ARID4A: variants seen among roughly 807,000 people sequenced by gnomAD.
The protein encoded by ARID4A is AT-rich interaction domain 4A.
Under a neutral mutation model 148.6 loss-of-function variants are expected in ARID4A, and 39 were observed. The ratio of observed to expected loss-of-function variants is 0.26; its 90% CI spans 0.20 to 0.34. The LOEUF is 0.34. Ranked by LOEUF, ARID4A falls within the 10% of genes least tolerant of loss-of-function variation. The pLI, the probability that ARID4A is intolerant of heterozygous loss-of-function variation, is 1.00. For synonymous variants in ARID4A, 475 were observed against 481.2 expected, an observed-to-expected ratio of 0.99 and a Z score of 0.17; for missense variants, 1,265 against 1,449.1, an observed-to-expected ratio of 0.87 and a Z score of 2.06.
intron 20 of ARID4A, 48 bp from the exon 21 acceptor site, chr14:58,365,467 CTTT>C (rs71107938): frequency 0.038 from 13,130 of 349,212 alleles, 13 homozygotes; most frequent in East Asian, 0.11. Flanking sequence ...TATACTTGCT[CTTT>C]TTTTTTTTTT....
intron 11 of ARID4A, among the ~76,000 whole-genome samples, chr14:58,338,635 G>A (rs1455559277): frequency 1.3e-5 from 2 of 152,120 alleles, no homozygotes; most frequent in African/African-American, 2.4e-5. Flanking sequence ...TGGAGTTTCA[G>A]AGTTGGGGTG....
In ARID4A at chr14:58,364,414, A is replaced by G; in HGVS notation, c.2325A>G (p.Lys775=). ...NEQIVQIFGN[K]MEKTEEVKKE... is the part of the protein sequence containing the mutation. Reference sequence around the variant, plus strand: ...AAATAGTACAGATTTTTGGGAACAAAATGGAAAAAACAGAAGAAGTTAAGA... The same window carrying G: ...AAATAGTACAGATTTTTGGGAACAAGATGGAAAAAACAGAAGAAGTTAAGA... Residue 775 remains lysine, a synonymous_variant, in exon 20 of 24, where the codon AAA becomes AAG. Coordinates refer to ENST00000355431, the MANE Select transcript of ARID4A (RefSeq NM_002892.4). 1 of 1,612,332 alleles carries G rather than the reference A, an allele frequency of 6.2e-7. No individual in the cohort carries two copies. Among genetic ancestry groups the G allele is most frequent in the Non-Finnish European group, 8.5e-7 (1 of 1,179,688 alleles).
At position 58,344,709 on chromosome 14, in the gene ARID4A, T is replaced by A; in HGVS notation, c.921T>A (p.Leu307=). Residue 307 remains leucine (L), a synonymous_variant, in exon 12 of 24, where the codon CTT becomes CTA. Coordinates refer to ENST00000355431, the MANE Select transcript of ARID4A (RefSeq NM_002892.4). ...KTEEEVPEEE[L]DPEERDNFLQ... is the part of the protein sequence containing the mutation. ...TATCTTTACAGCCTGAGGAAGAACT[T>A]GATCCTGAAGAGAGGGACAACTTCC... The A allele has an allele frequency of 1.9e-6, 3 of 1,612,240 alleles. No homozygotes were observed. The highest frequency in any genetic ancestry group is 2.5e-6 in the Non-Finnish European group (3 of 1,178,720).
Position 58,330,185 on chromosome 14 carries a change from T to C in ARID4A, c.906+16T>C. ...AGAAGAGGTGGTAGGTGTAATTTCA[T>C]GTTTGTAACAAAAACATCTTAATAC... is the stretch of plus-strand genomic sequence containing the variant. On this transcript the variant is annotated intron_variant, in intron 11 of 23. Transcript: ENST00000355431. 6.2e-7 allele frequency: 1 copy of C among 1,602,350 alleles called. No homozygotes were observed. The highest frequency in any genetic ancestry group is 1.1e-5 in the South Asian group (1 of 88,786).
At chr14:58,309,382 A>G (rs2031849113) in intron 5 of ARID4A, among the ~76,000 whole-genome samples, 1 of 152,126 alleles carries the variant, frequency 6.6e-6, no homozygotes, top group South Asian at 2.1e-4. Context: ...CATTCCTACC[A>G]TAGTTTACTC....
Position 58,314,854 on chromosome 14 carries a change from C to A in ARID4A, c.275-3688C>A, listed in dbSNP as rs142886557. On this transcript the variant is annotated intron_variant, in intron 5 of 23. Transcript: ENST00000355431. ...AAATCTTAGTCTGGGTTCAGTGGCT[C>A]ACACCTGTAATCCCAGCACTTTGGA... Among the ~76,000 whole-genome samples, 1,457 of 152,292 alleles carry A rather than the reference C, an allele frequency of 9.6e-3. 23 individuals carry two copies. The highest frequency in any genetic ancestry group is 0.034 in the African/African-American group (1,411 of 41,556).
chr14:58,349,983 C>T (rs1229946988), intron 15 of ARID4A, among the ~76,000 whole-genome samples: 1 of 151,436 alleles, frequency 6.6e-6, no homozygotes, highest in Non-Finnish European at 1.5e-5. Context: ...GTGGTGCGCG[C>T]CTGTAGTCCC....
chr14:58,318,600 G>A lies in ARID4A; in HGVS notation c.333G>A (p.Glu111=), dbSNP rs1047607219. ...LRRTSLCLKG[E]RHFAESETLD... Reference sequence around the variant, plus strand: ...GTACCTCACTTTGTCTGAAAGGAGAGAGACATTTTGCAGAGAGTGAGGTAG... The same window carrying A: ...GTACCTCACTTTGTCTGAAAGGAGAAAGACATTTTGCAGAGAGTGAGGTAG... The change falls in exon 6 of 24, where the codon GAG becomes GAA. Residue 111 remains glutamate (E), a synonymous_variant. Coordinates refer to ENST00000355431, the MANE Select transcript of ARID4A (RefSeq NM_002892.4). 12 of 1,614,210 alleles carry A rather than the reference G, an allele frequency of 7.4e-6. No individual in the cohort carries two copies. Among genetic ancestry groups the A allele is most frequent in the African/African-American group, 2.7e-5 (2 of 75,078 alleles).
chr14:58,351,429 T>A (rs998234577), intron 16 of ARID4A, 106 bp downstream of exon 16: 2 of 1,414,504 alleles, frequency 1.4e-6, no homozygotes, highest in African/African-American at 1.4e-5. Flanking sequence ...TTATTGGGAC[T>A]TCCGTTCCTC....
At chr14:58,347,563 C>A in intron 14 of ARID4A, 84 bp from the exon 15 acceptor site, 1 of 1,130,646 alleles carries the variant, frequency 8.8e-7, no homozygotes, top group Non-Finnish European at 1.2e-6. Flanking sequence ...CTGGGCTTTA[C>A]TTTTTAAAAA....
chr14:58,342,034 C>T (rs573438153), intron 11 of ARID4A, among the ~76,000 whole-genome samples: 42 of 152,218 alleles, frequency 2.8e-4, no homozygotes, highest in African/African-American at 9.2e-4. Flanking sequence ...GAAAGCAAAC[C>T]GTGATAGCAA....
In ARID4A at chr14:58,347,829, A is replaced by G. The variant is rs2034446934; in HGVS notation, c.1355A>G (p.Asp452Gly). The G allele has an allele frequency of 6.2e-7, 1 of 1,613,658 alleles. No individual in the cohort carries two copies. Among genetic ancestry groups the G allele is most frequent in the Admixed American group, 1.7e-5 (1 of 60,014 alleles). The stretch of plus-strand genomic sequence containing the variant: ...AAGAGTGAACCTGAGGAAAATATCG[A>G]TTCAAACAGTGAAAGTGAAAGAGAA... ...EVKSEPEENI[D>G]SNSESEREEI... The change falls in exon 15 of 24, where the codon GAT becomes GGT. Residue 452 changes from aspartate (D) to glycine (G), a missense_variant. By Grantham distance (94) the Asp-to-Gly change is moderately conservative. Around this residue, in one of 9 missense-constraint regions of ARID4A, gnomAD observed 205 missense variants for 196.9 expected, o/e 1.04. Coordinates refer to ENST00000355431, the MANE Select transcript of ARID4A (RefSeq NM_002892.4).
At chr14:58,370,962 T>C (rs2035585451) in intron 23 of ARID4A, among the ~76,000 whole-genome samples, 1 of 152,186 alleles carries the variant, frequency 6.6e-6, no homozygotes, top group Non-Finnish European at 1.5e-5. Context: ...TAATGAGTTA[T>C]TAAATTGAGA....
rs2033333219 is a variant in ARID4A, at chr14:58,328,385, C to T, written c.662+69C>T. 13 of 1,005,770 alleles carry T rather than the reference C, an allele frequency of 1.3e-5. No homozygotes were observed. In the South Asian group the frequency reaches 1.7e-4, roughly 13 times the overall value. The allele number at this position is 1,005,770 out of a possible 1,614,324, so 62.3% of individuals were successfully genotyped here. On this transcript the variant is annotated intron_variant, in intron 9 of 23. Coordinates refer to ENST00000355431, the MANE Select transcript of ARID4A (RefSeq NM_002892.4). ...AAAATAGAATTACAATGATAGACAC[C>T]TCCCCCACCAAAACTTTATTTTTAA...
At chr14:58,344,250 A>C (rs1195355002) in intron 11 of ARID4A, among the ~76,000 whole-genome samples, 2 of 152,176 alleles carry the variant, frequency 1.3e-5, no homozygotes, top group Non-Finnish European at 2.9e-5. Context: ...GTTTATATTC[A>C]TCTGGCAATA....
intron 16 of ARID4A, among the ~76,000 whole-genome samples, chr14:58,352,827 C>T (rs569732914): frequency 2.0e-5 from 3 of 152,186 alleles, no homozygotes; most frequent in Admixed American, 2.0e-4. Context: ...GATTGATACA[C>T]AATATTTTAT....
At chr14:58,350,862 A>G (rs1216583096) in intron 15 of ARID4A, among the ~76,000 whole-genome samples, 1 of 152,174 alleles carries the variant, frequency 6.6e-6, no homozygotes, top group African/African-American at 2.4e-5. Flanking sequence ...CTTAGGTAGT[A>G]TATAGCCAAA....
intron 4 of ARID4A, among the ~76,000 whole-genome samples, chr14:58,305,593 CA>C (rs1321942954): frequency 6.6e-6 from 1 of 152,156 alleles, no homozygotes; most frequent in East Asian, 1.9e-4. Flanking sequence ...ACCTTAAATA[CA>C]AATGCTGAAT....
intron 3 of ARID4A, among the ~76,000 whole-genome samples, chr14:58,304,728 T>C (rs560431871): frequency 9.2e-5 from 14 of 152,266 alleles, no homozygotes; most frequent in African/African-American, 3.1e-4. Flanking sequence ...ATAATATGCA[T>C]TGACACTTGC....
Sources: gnomAD v4.1 joint callset for allele counts (sites outside exome capture counted in the v4.1 genomes callset) on GRCh38, gnomAD v4.1.1 for gene constraint, gnomAD v4.1.1 regional missense constraint, MANE v1.5 for transcripts, NCBI Gene and HGNC (gene_info 2026-07-23, HGNC 2026-07-21) for gene names.